The following TFDP2 variants were observed in gnomAD, a reference collection of about 807,000 sequenced individuals.
TFDP2 encodes the protein transcription factor Dp-2 (E2F dimerization partner 2).
TFDP2 carries 17 observed loss-of-function variants against 59.3 expected under a neutral mutation model. That is an observed-to-expected ratio of 0.29 (90% CI 0.20 to 0.43). TFDP2 has a LOEUF of 0.43. TFDP2 is among the 20% of genes least tolerant of loss of function. The probability of loss-of-function intolerance (pLI) is 1.00; values close to 1 mark genes in which losing one functional copy is unlikely to be tolerated. For synonymous variants in TFDP2, 180 were observed against 194.7 expected (o/e 0.92, Z 0.63); for missense variants, 391 against 528.8 (o/e 0.74, Z 2.56).
intron 8 of TFDP2, among the ~76,000 whole-genome samples, chr3:141,971,685 C>T (rs1939788790): frequency 6.6e-6 from 1 of 152,172 alleles, no homozygotes. Flanking sequence ...TTTATCTGAC[C>T]TAGGAAATCA....
intron 4 of TFDP2, among the ~76,000 whole-genome samples, chr3:141,995,935 G>T (rs541394492): frequency 6.5e-4 from 93 of 144,126 alleles, no homozygotes; most frequent in African/African-American, 2.1e-3. Context: ...AATACTCTTT[G>T]AAGATAGTTT....
At chr3:142,025,560 G>A (rs1398374995) in intron 3 of TFDP2, among the ~76,000 whole-genome samples, 1 of 152,178 alleles carries the variant, frequency 6.6e-6, no homozygotes, top group Non-Finnish European at 1.5e-5. Context: ...TGTATTACAT[G>A]TGGAGTGACC....
intron 3 of TFDP2, among the ~76,000 whole-genome samples, chr3:142,074,540 C>T (rs1007222943): frequency 2.6e-5 from 4 of 151,322 alleles, no homozygotes; most frequent in Admixed American, 2.6e-4. Context: ...GAGCAAGACC[C>T]CATCTCTAAA....
intron 6 of TFDP2, among the ~76,000 whole-genome samples, chr3:141,991,524 CA>C (rs111540363): frequency 6.6e-6 from 1 of 152,204 alleles, no homozygotes; most frequent in African/African-American, 2.4e-5. Context: ...TTTGGGAGGC[CA>C]AGGTGGGTGG....
intron 1 of TFDP2, among the ~76,000 whole-genome samples, chr3:142,139,819 G>A (rs192848166): frequency 1.3e-5 from 2 of 152,178 alleles, no homozygotes; most frequent in East Asian, 1.9e-4. Context: ...TCATTTCAAC[G>A]TTGGTGAATC....
At chr3:142,106,366 TTAAG>T (rs1258972813) in intron 1 of TFDP2, among the ~76,000 whole-genome samples, 1 of 152,234 alleles carries the variant, frequency 6.6e-6, no homozygotes, top group African/African-American at 2.4e-5. Context: ...CAATTAAAAA[TTAAG>T]TATGCTGTAT....
At chr3:141,965,289 T>A (rs965449515) in intron 9 of TFDP2, among the ~76,000 whole-genome samples, 4 of 151,822 alleles carry the variant, frequency 2.6e-5, no homozygotes, top group Non-Finnish European at 5.9e-5. Flanking sequence ...AATCTTATGA[T>A]CAGTATTGTT....
chr3:142,046,431 C>T (rs924493934), intron 3 of TFDP2, among the ~76,000 whole-genome samples: 1 of 152,174 alleles, frequency 6.6e-6, no homozygotes, highest in Non-Finnish European at 1.5e-5. Flanking sequence ...CTCACCACTA[C>T]CTTCATCACA....
chr3:141,959,018 T>C (rs1320134769), intron 11 of TFDP2, among the ~76,000 whole-genome samples: 1 of 146,938 alleles, frequency 6.8e-6, no homozygotes. Context: ...GCAATGGCGA[T>C]CTCAGCTCAT....
At chr3:142,005,415 A>G (rs766027790) in intron 4 of TFDP2, 26 bp downstream of exon 4, 3 of 1,518,220 alleles carry the variant, frequency 2.0e-6, no homozygotes, top group Non-Finnish European at 2.7e-6. Context: ...CAAAGTTTCA[A>G]TTCTAAGATT....
At chr3:141,960,268 G>A (rs1289184528) in intron 10 of TFDP2, among the ~76,000 whole-genome samples, 1 of 152,224 alleles carries the variant, frequency 6.6e-6, no homozygotes, top group African/African-American at 2.4e-5. Context: ...TGAGTCAAAT[G>A]TTAGCTACAG....
At chr3:141,953,783 T>TCCCCCCA (rs1241358733) in intron 11 of TFDP2, among the ~76,000 whole-genome samples, 1 of 80,620 alleles carries the variant, frequency 1.2e-5, no homozygotes, top group African/African-American at 5.1e-5. Context: ...CCCTCCCCCC[T>TCCCCCCA]CCCCCCACCC....
intron 9 of TFDP2, among the ~76,000 whole-genome samples, chr3:141,965,558 G>C (rs28627703): frequency 7.0e-6 from 1 of 143,678 alleles, no homozygotes; most frequent in African/African-American, 2.6e-5. Flanking sequence ...AGGGGAAGGG[G>C]GAGGGGAAGG....
At position 142,121,022 on chromosome 3, in the gene TFDP2, G is replaced by A. The variant is rs560923889; in HGVS notation, c.-92-19181C>T. ...TGCAGATATTGGGAACTCAATGAAA[G>A]AGGCAGCTGCAAGCAGGAGACAGCA... On this transcript the variant is annotated intron_variant, in intron 1 of 12. Coordinates refer to ENST00000489671, the MANE Select transcript of TFDP2 (RefSeq NM_001178139.2). This position sits in a 1 kb window ranked among gnomAD's most constrained non-coding sequence, Gnocchi z 4.3. Among the ~76,000 whole-genome samples, 4 of 152,064 alleles carry A rather than the reference G, an allele frequency of 2.6e-5. No individual in the cohort carries two copies. The South Asian group carries it at 8.3e-4, about 32-fold the overall frequency.
At chr3:142,026,905 ATCATT>A (rs1355903008) in intron 3 of TFDP2, among the ~76,000 whole-genome samples, 5 of 152,218 alleles carry the variant, frequency 3.3e-5, no homozygotes, top group Admixed American at 6.5e-5. Flanking sequence ...ACTGCAACAT[ATCATT>A]TCAATTAAAC....
chr3:142,106,104 TTTAA>T (rs1456662031), intron 1 of TFDP2, among the ~76,000 whole-genome samples: 5 of 55,298 alleles, frequency 9.0e-5, no homozygotes, highest in Admixed American at 2.4e-4. Context: ...AAAAAACCTG[TTTAA>T]TTGTGGTTAA....
chr3:142,098,784 T>C (rs1368635377), intron 2 of TFDP2, among the ~76,000 whole-genome samples: 1 of 152,104 alleles, frequency 6.6e-6, no homozygotes, highest in African/African-American at 2.4e-5. Flanking sequence ...ACAAGTATTA[T>C]GAGGCCAATG....
chr3:141,995,005 T>C lies in TFDP2; in HGVS notation c.308+15A>G. 1 of 1,546,092 alleles carries C rather than the reference T, an allele frequency of 6.5e-7. No individual in the cohort carries two copies. ...TTTTTAAGGTTTTAAAAATAGTAAC[T>C]TGCAACACTCTTACCCAGGGACCCA... is the stretch of plus-strand genomic sequence containing the variant. On this transcript the variant is annotated intron_variant, in intron 5 of 12. Transcript: ENST00000489671.
chr3:142,149,443 CGCCGCAGCCG>C lies in TFDP2; in HGVS notation c.-363_-354del. ...CCCGCGGGCCGGGCAGCTGCGGCAG[CGCCGCAGCCG>C]AGATCGCTACCGATTTCGTCCGCCC... is the stretch of plus-strand genomic sequence containing the variant. On this transcript the variant is annotated 5_prime_UTR_variant, in exon 1 of 13. Coordinates refer to ENST00000489671, the MANE Select transcript of TFDP2 (RefSeq NM_001178139.2). 2.6e-6 allele frequency: 1 copy of C among 378,534 alleles called. No homozygotes were observed. 23.4% of individuals were successfully genotyped at this position (378,534 alleles called of 1,614,324 possible). A position where few individuals can be genotyped will look rare whatever the true frequency, so the allele number is the denominator to read the frequency against.
Sources: allele counts gnomAD v4.1 joint callset (sites outside exome capture counted in the v4.1 genomes callset), GRCh38; gene constraint gnomAD v4.1.1; non-coding constraint Gnocchi (gnomAD v3.1); transcripts MANE v1.5; gene names NCBI Gene and HGNC (gene_info 2026-07-23, HGNC 2026-07-21).